The following RBMS1 variants were observed in gnomAD, a reference collection of about 807,000 sequenced individuals.
RBMS1 encodes the protein RNA-binding motif, single-stranded-interacting protein 1.
Under a neutral mutation model 62.3 loss-of-function variants are expected in RBMS1, and 17 were observed. That is an observed-to-expected ratio of 0.27 (90% CI 0.19 to 0.41). RBMS1 has a LOEUF of 0.41. Ranked by LOEUF, RBMS1 falls within the 10% of genes least tolerant of loss-of-function variation. The pLI, the probability that RBMS1 is intolerant of heterozygous loss-of-function variation, is 1.00. For synonymous variants in RBMS1, 172 were observed against 170.0 expected (o/e 1.01, Z -0.09); for missense variants, 334 against 504.5 (o/e 0.66, Z 3.24).
chr2:160,410,251 A>G (rs949272136), intron 1 of RBMS1, among the ~76,000 whole-genome samples: 4 of 150,602 alleles, frequency 2.7e-5, no homozygotes, highest in Non-Finnish European at 5.9e-5. Context: ...AAAAAAATTA[A>G]AAGACTCTAA....
At chr2:160,289,363 T>C (rs895806380) in intron 6 of RBMS1, among the ~76,000 whole-genome samples, 3 of 152,218 alleles carry the variant, frequency 2.0e-5, no homozygotes, top group Admixed American at 2.0e-4. Flanking sequence ...GCATTTCATA[T>C]CTTAGGAAAA....
At chr2:160,311,228 C>CCATATATATATATA (rs1553505409) in intron 4 of RBMS1, among the ~76,000 whole-genome samples, 35 of 95,914 alleles carry the variant, frequency 3.6e-4, no homozygotes, top group Non-Finnish European at 6.5e-4. Flanking sequence ...ATCTATCTAT[C>CCATATATATATATA]TATCTATATA....
At chr2:160,396,814 C>T (rs925772643) in intron 1 of RBMS1, among the ~76,000 whole-genome samples, 3 of 152,106 alleles carry the variant, frequency 2.0e-5, no homozygotes, top group Non-Finnish European at 2.9e-5. Context: ...CCGCCCACCT[C>T]GGACTCCCAA....
At chr2:160,325,674 G>A (rs1690882649) in intron 2 of RBMS1, among the ~76,000 whole-genome samples, 1 of 152,108 alleles carries the variant, frequency 6.6e-6, no homozygotes, top group African/African-American at 2.4e-5. Context: ...CATTACGTCT[G>A]TTTAGCAAAT....
intron 1 of RBMS1, among the ~76,000 whole-genome samples, chr2:160,465,235 C>T (rs957840806): frequency 4.6e-5 from 7 of 152,166 alleles, no homozygotes; most frequent in Non-Finnish European, 8.8e-5. Flanking sequence ...ATTGTACTTC[C>T]AACATCTTAT....
chr2:160,381,591 C>T (rs578045363), intron 1 of RBMS1, among the ~76,000 whole-genome samples: 3 of 152,228 alleles, frequency 2.0e-5, no homozygotes, highest in Admixed American at 6.5e-5. Flanking sequence ...AAAGATCAGT[C>T]GACAACCTCT....
At chr2:160,472,956 T>G (rs1408889839) in intron 1 of RBMS1, among the ~76,000 whole-genome samples, 1 of 152,200 alleles carries the variant, frequency 6.6e-6, no homozygotes, top group Non-Finnish European at 1.5e-5. Flanking sequence ...CTTTTAGCAG[T>G]GCTGACATAA....
chr2:160,457,953 T>TTTG (rs60006211), intron 1 of RBMS1, among the ~76,000 whole-genome samples: 34,418 of 150,390 alleles, frequency 0.23, 4,387 homozygotes, highest in African/African-American at 0.33. Flanking sequence ...TATTGGTTTG[T>TTTG]TTGTTGTTGT....
chr2:160,422,929 G>A (rs1696490986), intron 1 of RBMS1, among the ~76,000 whole-genome samples: 1 of 152,034 alleles, frequency 6.6e-6, no homozygotes, highest in Admixed American at 6.6e-5. Flanking sequence ...AAACCTTTTA[G>A]TTTTTTTCTC....
At chr2:160,386,986 T>C (rs1694614315) in intron 1 of RBMS1, among the ~76,000 whole-genome samples, 1 of 152,220 alleles carries the variant, frequency 6.6e-6, no homozygotes. Context: ...TTATTTTGTG[T>C]ACATCACCAC....
chr2:160,317,779 A>G (rs1459558463), intron 3 of RBMS1, among the ~76,000 whole-genome samples: 1 of 152,152 alleles, frequency 6.6e-6, no homozygotes, highest in Non-Finnish European at 1.5e-5. Flanking sequence ...AATTTGCACA[A>G]TATGTAATCT....
chr2:160,348,391 G>A (rs1029404335), intron 2 of RBMS1, among the ~76,000 whole-genome samples: 2 of 152,226 alleles, frequency 1.3e-5, no homozygotes, highest in African/African-American at 4.8e-5. Flanking sequence ...GTGTATTTAT[G>A]TATGTAGCAT....
chr2:160,275,749 TAGTGAAAAAACCTCAG>T (rs1281428460), intron 12 of RBMS1, 35 bp from the exon 13 acceptor site: 1 of 1,612,936 alleles, frequency 6.2e-7, no homozygotes, highest in Admixed American at 1.7e-5. Context: ...TGAGACATGT[TAGTGAAAAAACCTCAG>T]CTCTGCTACT....
intron 1 of RBMS1, among the ~76,000 whole-genome samples, chr2:160,444,866 T>G (rs1362481976): frequency 6.6e-6 from 1 of 152,160 alleles, no homozygotes; most frequent in Non-Finnish European, 1.5e-5. Flanking sequence ...GAGACACCCT[T>G]GGCAAGCCAG....
chr2:160,352,646 G>C (rs1692582212), intron 2 of RBMS1, among the ~76,000 whole-genome samples: 1 of 152,088 alleles, frequency 6.6e-6, no homozygotes, highest in Non-Finnish European at 1.5e-5. Context: ...CTCTGCGTTG[G>C]TATTCTTTTG....
At chr2:160,311,093 C>T (rs182717433) in intron 4 of RBMS1, among the ~76,000 whole-genome samples, 1 of 151,262 alleles carries the variant, frequency 6.6e-6, no homozygotes, top group East Asian at 1.9e-4. Flanking sequence ...ACTCAGGAGG[C>T]TGAGGCAGGA....
At chr2:160,456,352 G>A (rs2105326168) in intron 1 of RBMS1, among the ~76,000 whole-genome samples, 1 of 152,244 alleles carries the variant, frequency 6.6e-6, no homozygotes, top group Middle Eastern at 3.4e-3. Flanking sequence ...TCCAATGTCA[G>A]GAAGCTAAAA....
chr2:160,399,319 C>T (rs969541726), intron 1 of RBMS1, among the ~76,000 whole-genome samples: 2 of 152,150 alleles, frequency 1.3e-5, no homozygotes, highest in Non-Finnish European at 2.9e-5. Context: ...ATTTTGCATA[C>T]AATTTTAAGG....
intron 2 of RBMS1, among the ~76,000 whole-genome samples, chr2:160,326,769 T>C (rs1160159209): frequency 6.6e-6 from 1 of 152,116 alleles, no homozygotes; most frequent in African/African-American, 2.4e-5. Context: ...AGGGGGTGAA[T>C]GGAAAGGCTC....
Sources: gnomAD v4.1 joint callset for allele counts (sites outside exome capture counted in the v4.1 genomes callset) on GRCh38, gnomAD v4.1.1 for gene constraint, MANE v1.5 for transcripts, NCBI Gene and HGNC (gene_info 2026-07-23, HGNC 2026-07-21) for gene names.